PRKN: variants seen among roughly 807,000 people sequenced by gnomAD.
PRKN encodes the protein parkin RBR E3 ubiquitin protein ligase, also known as E3 ubiquitin-protein ligase parkin.
A neutral mutation model predicts 59.5 loss-of-function variants in PRKN; 56 were observed. The ratio of observed to expected loss-of-function variants is 0.94; its 90% CI spans 0.76 to 1.18. The LOEUF (loss-of-function observed/expected upper bound fraction) is 1.18. PRKN is among the 50% of genes most tolerant of loss of function. PRKN has a pLI of 0.00. For missense variants in PRKN, 657 were observed against 596.4 expected, an observed-to-expected ratio of 1.10 and a Z score of -1.06; for synonymous variants, 250 against 222.1, an observed-to-expected ratio of 1.13 and a Z score of -1.12.
intron 6 of PRKN, among the ~76,000 whole-genome samples, chr6:161,852,297 G>C (rs547119383): frequency 2.0e-5 from 3 of 152,052 alleles, no homozygotes; most frequent in African/African-American, 4.8e-5. Flanking sequence ...AACAAACAAA[G>C]AAACAAAATG....
At position 161,700,712 on chromosome 6, in the gene PRKN, G is replaced by C. The variant is rs146226194; in HGVS notation, c.871+85060C>G. Among the ~76,000 whole-genome samples the C allele has an allele frequency of 1.2e-4, 19 of 152,276 alleles. No individual in the cohort carries two copies. In the East Asian group the frequency reaches 3.7e-3, roughly 29 times the overall value. On this transcript the variant is annotated intron_variant, in intron 7 of 11. Coordinates refer to ENST00000366898, the MANE Select transcript of PRKN (RefSeq NM_004562.3). ...TTTGTACCAAAAGCAACTTCTTACT[G>C]AGAGGACATTTTGGTCCTGAGAAAT...
rs1790494420 is a variant in PRKN at position 161,466,679 on chromosome 6, AG to A, written c.1084-79803del. Among the ~76,000 whole-genome samples, 1 of 152,216 alleles carries A rather than the reference AG, an allele frequency of 6.6e-6. No homozygotes were observed. Among genetic ancestry groups the A allele is most frequent in the African/African-American group, 2.4e-5 (1 of 41,470 alleles). On this transcript the variant is annotated intron_variant, in intron 9 of 11. Coordinates refer to ENST00000366898, the MANE Select transcript of PRKN (RefSeq NM_004562.3). The surrounding 1 kb of genome is among the most constrained non-coding windows in gnomAD (Gnocchi z 5.0). ...AGGGCCTAACCTTAAATAAATATGC[AG>A]CCATACTGCTAGGGCAAACATCCAC...
intron 6 of PRKN, among the ~76,000 whole-genome samples, chr6:161,820,559 T>C (rs929259494): frequency 2.0e-5 from 3 of 147,262 alleles, no homozygotes; most frequent in Non-Finnish European, 4.5e-5. Context: ...TTATAAAAAA[T>C]TACAAATAAA....
At chr6:162,718,206 AT>A (rs1426685924) in intron 1 of PRKN, among the ~76,000 whole-genome samples, 3 of 151,508 alleles carry the variant, frequency 2.0e-5, no homozygotes, top group Non-Finnish European at 4.4e-5. Context: ...GACAAAAAAA[AT>A]CTTATTACTT....
At chr6:161,662,182 A>G (rs372413640) in intron 7 of PRKN, among the ~76,000 whole-genome samples, 3 of 152,170 alleles carry the variant, frequency 2.0e-5, no homozygotes, top group East Asian at 1.9e-4. Context: ...CAGGGGTGGA[A>G]TAAAAAGCTT....
In PRKN at chr6:161,917,225, C is replaced by A. The variant is rs376027293; in HGVS notation, c.734+56077G>T. ...GGCTCAAGTAATTCTCCTGCCTCAG[C>A]CTCCCGAGTAGCTGGGACTACAGGT... On this transcript the variant is annotated intron_variant, in intron 6 of 11. Transcript: ENST00000366898. Among the ~76,000 whole-genome samples the A allele has an allele frequency of 1.3e-4, 20 of 152,222 alleles. No individual in the cohort carries two copies. The South Asian group carries it at 4.1e-3, about 32-fold the overall frequency.
intron 2 of PRKN, among the ~76,000 whole-genome samples, chr6:162,432,181 C>T (rs1325140333): frequency 6.6e-6 from 1 of 152,052 alleles, no homozygotes; most frequent in Non-Finnish European, 1.5e-5. Context: ...AATGAACTCA[C>T]CAGCTATATA....
rs571581826 is a variant in PRKN at position 162,361,828 on chromosome 6, C to T, written c.171+81482G>A. Among the ~76,000 whole-genome samples the T allele has an allele frequency of 2.6e-5, 4 of 152,234 alleles. No individual in the cohort carries two copies. The South Asian group carries it at 6.2e-4, about 24-fold the overall frequency. On this transcript the variant is annotated intron_variant, in intron 2 of 11. Coordinates refer to ENST00000366898, the MANE Select transcript of PRKN (RefSeq NM_004562.3). Reference sequence around the variant, plus strand: ...CACGTACTTCCAGTCTCTGTAAATACGTGCAGCCTGATATCAAAGCAAACC... The same window carrying T: ...CACGTACTTCCAGTCTCTGTAAATATGTGCAGCCTGATATCAAAGCAAACC...
At chr6:162,616,870 A>G (rs1394371540) in intron 1 of PRKN, among the ~76,000 whole-genome samples, 1 of 152,196 alleles carries the variant, frequency 6.6e-6, no homozygotes, top group African/African-American at 2.4e-5. Flanking sequence ...TGAAGCTCCT[A>G]GGAAGACAGA....
At chr6:161,657,794 G>C (rs1443104724) in intron 7 of PRKN, among the ~76,000 whole-genome samples, 1 of 152,046 alleles carries the variant, frequency 6.6e-6, no homozygotes, top group Non-Finnish European at 1.5e-5. Context: ...GGGAGGCCGT[G>C]GTGGGTGAAT....
At chr6:161,602,876 C>T (rs1194071181) in intron 7 of PRKN, among the ~76,000 whole-genome samples, 2 of 152,138 alleles carry the variant, frequency 1.3e-5, no homozygotes, top group Non-Finnish European at 2.9e-5. Context: ...AAAGAGCCCA[C>T]AGCTTAGTTG....
At chr6:162,159,961 A>G (rs1030663400) in intron 4 of PRKN, among the ~76,000 whole-genome samples, 5 of 152,194 alleles carry the variant, frequency 3.3e-5, no homozygotes, top group Non-Finnish European at 5.9e-5. Flanking sequence ...AAGGAAACCA[A>G]GAAGATTTTT....
At chr6:162,632,979 T>C (rs981013206) in intron 1 of PRKN, among the ~76,000 whole-genome samples, 2 of 152,212 alleles carry the variant, frequency 1.3e-5, no homozygotes, top group African/African-American at 4.8e-5. Context: ...TATTTTTTCA[T>C]TTAAAATATT....
chr6:162,245,379 T>A lies in PRKN; in HGVS notation c.412+17146A>T, dbSNP rs1379876036. On this transcript the variant is annotated intron_variant, in intron 3 of 11. Coordinates refer to ENST00000366898, the MANE Select transcript of PRKN (RefSeq NM_004562.3). ...TTATTAAATTGCATATTTACCTATCTATAATCAAGACACTAATTTTTCCAA... is the reference window on the plus strand; with the variant it reads ...TTATTAAATTGCATATTTACCTATCAATAATCAAGACACTAATTTTTCCAA... 2.6e-5 allele frequency among the ~76,000 whole-genome samples: 4 copies of A among 152,088 alleles called. No homozygotes were observed. In the East Asian group the frequency reaches 7.7e-4, roughly 29 times the overall value.
chr6:162,453,662 G>A (rs1765764854), intron 1 of PRKN, among the ~76,000 whole-genome samples: 1 of 152,132 alleles, frequency 6.6e-6, no homozygotes, highest in African/African-American at 2.4e-5. Context: ...CAGAAGTTTG[G>A]GAGGCTGAAG....
At position 162,551,120 on chromosome 6, in the gene PRKN, G is replaced by A. The variant is rs965148843; in HGVS notation, c.8-107647C>T. On this transcript the variant is annotated intron_variant, in intron 1 of 11. Transcript: ENST00000366898. Reference sequence around the variant, plus strand: ...CTTCGTGAATATTCCTCACTTCAAAGTAGTCTGTGAGACACACATACAAAC... The same window carrying A: ...CTTCGTGAATATTCCTCACTTCAAAATAGTCTGTGAGACACACATACAAAC... Among the ~76,000 whole-genome samples, 3 of 152,054 alleles carry A rather than the reference G, an allele frequency of 2.0e-5. No individual in the cohort carries two copies. In the South Asian group the frequency reaches 6.2e-4, roughly 32 times the overall value.
chr6:162,579,776 A>AAC (rs77094872), intron 1 of PRKN, among the ~76,000 whole-genome samples: 47,533 of 151,904 alleles, frequency 0.31, 7,795 homozygotes, highest in East Asian at 0.5. Flanking sequence ...ATAAAAATTC[A>AAC]ACACAGATTT....
intron 6 of PRKN, among the ~76,000 whole-genome samples, chr6:161,896,322 T>C (rs1302739632): frequency 6.6e-6 from 1 of 152,176 alleles, no homozygotes; most frequent in Non-Finnish European, 1.5e-5. Context: ...TGCCTAAAAA[T>C]GGGCAGCTTC....
intron 9 of PRKN, among the ~76,000 whole-genome samples, chr6:161,507,379 T>A (rs1369081495): frequency 6.6e-6 from 1 of 152,184 alleles, no homozygotes; most frequent in Non-Finnish European, 1.5e-5. Flanking sequence ...ATTTGGGGCA[T>A]CAGTTCTCAG....
Sources: allele counts gnomAD v4.1 joint callset (sites outside exome capture counted in the v4.1 genomes callset), GRCh38; gene constraint gnomAD v4.1.1; non-coding constraint Gnocchi (gnomAD v3.1); transcripts MANE v1.5; gene names NCBI Gene and HGNC (gene_info 2026-07-23, HGNC 2026-07-21).